Variants in PPP3R1 observed in about 807,000 individuals in gnomAD.
PPP3R1 encodes calcineurin subunit B type 1.
Under a neutral mutation model 22.6 loss-of-function variants are expected in PPP3R1, and 5 were observed. That is an observed-to-expected ratio of 0.22 (90% CI 0.12 to 0.46). The LOEUF (loss-of-function observed/expected upper bound fraction) is 0.46, where lower values mean the gene tolerates loss of function less well. Ranked by LOEUF, PPP3R1 falls within the 20% of genes least tolerant of loss-of-function variation. PPP3R1 has a pLI of 0.99. For missense variants in PPP3R1, 61 were observed against 203.2 expected, an observed-to-expected ratio of 0.30 and a Z score of 4.25; for synonymous variants, 56 against 65.2, an observed-to-expected ratio of 0.86 and a Z score of 0.68.
At chr2:68,193,061 G>A (rs905533076) in intron 2 of PPP3R1, among the ~76,000 whole-genome samples, 6 of 152,120 alleles carry the variant, frequency 3.9e-5, no homozygotes, top group African/African-American at 1.4e-4. Context: ...GCCCTTAGAA[G>A]GAGTAGTTAA....
At position 68,217,135 on chromosome 2, in the gene PPP3R1, G is replaced by T. The variant is rs1669594947; in HGVS notation, c.4-4C>A. 1.9e-6 allele frequency: 3 copies of T among 1,584,822 alleles called. No homozygotes were observed. Among genetic ancestry groups the T allele is most frequent in the Non-Finnish European group, 2.6e-6 (3 of 1,160,016 alleles). ...AAGGATAACTTGCCTCATTTCCCTG[G>T]GGGGAAAGAAAGAAATAATTAGTCA... On this transcript the variant is annotated splice_polypyrimidine_tract_variant and splice_region_variant and intron_variant, in intron 1 of 5. Transcript: ENST00000234310.
intron 2 of PPP3R1, among the ~76,000 whole-genome samples, chr2:68,209,104 A>C (rs1669409029): frequency 6.6e-6 from 1 of 151,446 alleles, no homozygotes; most frequent in Non-Finnish European, 1.5e-5. Flanking sequence ...CACACCTGTA[A>C]TCCCAGCACT....
rs199824687 is a variant in PPP3R1 at position 68,198,062 on chromosome 2, C to CAAAAAAAAAAAA, written c.44-9384_44-9373dup. 4.3e-4 allele frequency among the ~76,000 whole-genome samples: 18 copies of CAAAAAAAAAAAA among 42,000 alleles called. 4 individuals are homozygous for CAAAAAAAAAAAA. Among genetic ancestry groups the CAAAAAAAAAAAA allele is most frequent in the African/African-American group, 1.8e-3 (16 of 9,096 alleles). 27.6% of individuals were successfully genotyped at this position (42,000 alleles called of 152,430 possible). On this transcript the variant is annotated intron_variant, in intron 2 of 5. Transcript: ENST00000234310. ...GCTCCCTTTACAACGGCACCTTTGGCAAAAAAAAAAAAAAAAAAAAAAAAA... is the reference window on the plus strand; with the variant it reads ...GCTCCCTTTACAACGGCACCTTTGGCAAAAAAAAAAAAAAAAAAAAAAAAAAAAAAAAAAAAA...
At chr2:68,229,918 GTA>G (rs755685176) in intron 1 of PPP3R1, among the ~76,000 whole-genome samples, 138 of 150,058 alleles carry the variant, frequency 9.2e-4, no homozygotes, top group Non-Finnish European at 1.2e-3. Context: ...GTGTATATGT[GTA>G]TATATATGTG....
intron 1 of PPP3R1, among the ~76,000 whole-genome samples, chr2:68,231,545 G>A (rs1380650444): frequency 6.6e-6 from 1 of 152,066 alleles, no homozygotes; most frequent in East Asian, 1.9e-4. Context: ...AATCACACAA[G>A]TGCTTGTTTT....
chr2:68,228,462 T>A (rs1486661336), intron 1 of PPP3R1, among the ~76,000 whole-genome samples: 1 of 152,208 alleles, frequency 6.6e-6, no homozygotes, highest in Non-Finnish European at 1.5e-5. Context: ...GTCAAATTTA[T>A]GTATATAAAA....
intron 1 of PPP3R1, among the ~76,000 whole-genome samples, chr2:68,251,518 G>C (rs1024906120): frequency 2.0e-5 from 3 of 152,164 alleles, no homozygotes; most frequent in South Asian, 2.1e-4. Context: ...AGCAGCGAAC[G>C]GAAACCCCGC....
Position 68,236,155 on chromosome 2 carries a change from C to A in PPP3R1, c.3+15970G>T, listed in dbSNP as rs13419890. On this transcript the variant is annotated intron_variant, in intron 1 of 5. Coordinates refer to ENST00000234310, the MANE Select transcript of PPP3R1 (RefSeq NM_000945.4). The stretch of plus-strand genomic sequence containing the variant: ...TGTCTTATTTTCTTGTCTTTTGAAG[C>A]TTAGATTTGTTAATTTTGATGATAT... Among the ~76,000 whole-genome samples, 530 of 152,184 alleles carry A rather than the reference C, an allele frequency of 3.5e-3. 3 individuals are homozygous for A. The highest frequency in any genetic ancestry group is 0.012 in the African/African-American group (512 of 41,524).
At chr2:68,247,340 G>T (rs1023854677) in intron 1 of PPP3R1, among the ~76,000 whole-genome samples, 1 of 150,986 alleles carries the variant, frequency 6.6e-6, no homozygotes, top group African/African-American at 2.4e-5. Flanking sequence ...TCTCCTAGGA[G>T]AATGTGCATT....
In PPP3R1 at chr2:68,187,238, T is replaced by C. The variant is rs1476139183; in HGVS notation, c.280+17A>G. ...TGGTAGTATAAGAGAATGAAGTCAGTGAAGAAAAATACTTACACCTCAATT... is the reference window on the plus strand; with the variant it reads ...TGGTAGTATAAGAGAATGAAGTCAGCGAAGAAAAATACTTACACCTCAATT... On this transcript the variant is annotated intron_variant, in intron 4 of 5. Transcript: ENST00000234310. 5 of 1,583,194 alleles carry C rather than the reference T, an allele frequency of 3.2e-6. No individual in the cohort carries two copies. Among genetic ancestry groups the C allele is most frequent in the Non-Finnish European group, 4.3e-6 (5 of 1,155,926 alleles).
At chr2:68,185,499 TAC>T (rs1172655316) in intron 5 of PPP3R1, among the ~76,000 whole-genome samples, 1 of 147,900 alleles carries the variant, frequency 6.8e-6, no homozygotes, top group Admixed American at 6.8e-5. Context: ...ATAAGATATA[TAC>T]ATTTTATTTA....
intron 2 of PPP3R1, among the ~76,000 whole-genome samples, chr2:68,188,992 T>C (rs1674606769): frequency 6.6e-6 from 1 of 152,176 alleles, no homozygotes; most frequent in African/African-American, 2.4e-5. Flanking sequence ...GGCCGGATAA[T>C]GCTAAGCTGA....
At chr2:68,181,190 C>T (rs1038527667) in intron 5 of PPP3R1, among the ~76,000 whole-genome samples, 180 bp from the exon 6 acceptor site, 7 of 152,098 alleles carry the variant, frequency 4.6e-5, no homozygotes, top group Non-Finnish European at 7.4e-5. Flanking sequence ...GAGATCGAGA[C>T]CATCCTGGCT....
At chr2:68,190,558 C>T (rs916117474) in intron 2 of PPP3R1, among the ~76,000 whole-genome samples, 2 of 152,030 alleles carry the variant, frequency 1.3e-5, no homozygotes, top group Admixed American at 6.6e-5. Context: ...AAAAGGGAAA[C>T]TCCGTCTCAA....
chr2:68,232,301 C>T (rs79311490), intron 1 of PPP3R1, among the ~76,000 whole-genome samples: 4,562 of 140,550 alleles, frequency 0.032, 312 homozygotes, highest in African/African-American at 0.12. Flanking sequence ...ATTAGCCAGG[C>T]GTGATGGCAA....
intron 1 of PPP3R1, 69 bp downstream of exon 1, chr2:68,252,056 G>T: frequency 7.5e-7 from 1 of 1,332,468 alleles, no homozygotes; most frequent in Non-Finnish European, 9.9e-7. Flanking sequence ...GTCGGGGCTC[G>T]CCCCCGCACC....
At chr2:68,221,822 A>C (rs1278345681) in intron 1 of PPP3R1, among the ~76,000 whole-genome samples, 1 of 152,084 alleles carries the variant, frequency 6.6e-6, no homozygotes, top group East Asian at 1.9e-4. Context: ...ACAGGAAACA[A>C]TGGAATCTGT....
chr2:68,193,062 G>A (rs1001816626), intron 2 of PPP3R1, among the ~76,000 whole-genome samples: 1 of 152,138 alleles, frequency 6.6e-6, no homozygotes, highest in Non-Finnish European at 1.5e-5. Context: ...CCCTTAGAAG[G>A]AGTAGTTAAA....
At chr2:68,248,155 T>A (rs1434307427) in intron 1 of PPP3R1, among the ~76,000 whole-genome samples, 2 of 152,174 alleles carry the variant, frequency 1.3e-5, no homozygotes, top group African/African-American at 4.8e-5. Flanking sequence ...TATCTCATGC[T>A]TCCATGACTT....
Sources: allele counts gnomAD v4.1 joint callset (sites outside exome capture counted in the v4.1 genomes callset), GRCh38; gene constraint gnomAD v4.1.1; transcripts MANE v1.5; gene names NCBI Gene and HGNC (gene_info 2026-07-23, HGNC 2026-07-21).